The following FRMD4B variants were observed in gnomAD, a reference collection of about 807,000 sequenced individuals.
FRMD4B encodes the protein FERM domain-containing protein 4B.
FRMD4B carries 74 observed loss-of-function variants against 141.5 expected under a neutral mutation model. The ratio of observed to expected loss-of-function variants is 0.52; its 90% CI spans 0.43 to 0.63. FRMD4B has a LOEUF of 0.63. Ranked by LOEUF, FRMD4B falls within the 30% of genes least tolerant of loss-of-function variation. The probability of loss-of-function intolerance (pLI) is 0.00; values close to 1 mark genes in which losing one functional copy is unlikely to be tolerated. For synonymous variants in FRMD4B, 506 were observed against 467.9 expected (o/e 1.08, Z -1.05); for missense variants, 1,366 against 1,253.4 (o/e 1.09, Z -1.36).
chr3:69,464,845 G>A (rs1020131383), intron 1 of FRMD4B, among the ~76,000 whole-genome samples: 1 of 152,102 alleles, frequency 6.6e-6, no homozygotes, highest in East Asian at 1.9e-4. Context: ...TTACAACACG[G>A]CAATGAAATT....
At chr3:69,280,941 T>A (rs2093641947) in intron 5 of FRMD4B, among the ~76,000 whole-genome samples, 1 of 151,786 alleles carries the variant, frequency 6.6e-6, no homozygotes, top group African/African-American at 2.4e-5. Flanking sequence ...TTCTTCTTTT[T>A]TTTTGTGAGA....
rs368091349 is a variant in FRMD4B, at chr3:69,297,112, T to C, written c.416+5231A>G. On this transcript the variant is annotated intron_variant, in intron 4 of 22. Transcript: ENST00000398540. ...CTTTACTACAGTCTGTCTTTATGTG[T>C]CACGTGTATTTGGCTCTCTTTAAAA... Among the ~76,000 whole-genome samples, 153 of 152,332 alleles carry C rather than the reference T, an allele frequency of 1.0e-3. 3 individuals are homozygous for C. The highest frequency in any genetic ancestry group is 3.5e-3 in the African/African-American group (144 of 41,576).
chr3:69,195,934 G>C (rs996464557), intron 14 of FRMD4B, among the ~76,000 whole-genome samples: 2 of 152,162 alleles, frequency 1.3e-5, no homozygotes, highest in African/African-American at 4.8e-5. Context: ...ATATTGCATG[G>C]AGAATTAGAC....
chr3:69,436,938 C>T (rs1011851904), intron 1 of FRMD4B, among the ~76,000 whole-genome samples: 22 of 152,048 alleles, frequency 1.4e-4, no homozygotes, highest in Non-Finnish European at 2.8e-4. Context: ...GTTGAATACA[C>T]AGAGACAGAA....
intron 11 of FRMD4B, among the ~76,000 whole-genome samples, chr3:69,212,115 T>G (rs1443717310): frequency 6.6e-6 from 1 of 150,584 alleles, no homozygotes; most frequent in African/African-American, 2.4e-5. Flanking sequence ...TCCCAGCACT[T>G]TGGGAGGCCC....
chr3:69,360,140 A>G (rs575105613), intron 1 of FRMD4B, among the ~76,000 whole-genome samples: 2 of 152,322 alleles, frequency 1.3e-5, no homozygotes, highest in African/African-American at 4.8e-5. Flanking sequence ...CCAAAACAAA[A>G]AAGTTTTTGT....
chr3:69,483,216 C>T (rs1234362394), intron 1 of FRMD4B, among the ~76,000 whole-genome samples: 3 of 152,186 alleles, frequency 2.0e-5, no homozygotes, highest in Non-Finnish European at 4.4e-5. Flanking sequence ...AAGGAAGACT[C>T]CATGTTCCCA....
intron 2 of FRMD4B, among the ~76,000 whole-genome samples, chr3:69,428,237 G>T (rs541896065): frequency 5.3e-5 from 8 of 151,632 alleles, no homozygotes; most frequent in African/African-American, 1.9e-4. Context: ...ATGACAACCA[G>T]TTCTGCATCT....
intron 1 of FRMD4B, among the ~76,000 whole-genome samples, chr3:69,329,071 A>G (rs28566628): frequency 0.077 from 11,686 of 152,142 alleles, 1,522 homozygotes; most frequent in African/African-American, 0.27. Context: ...ACCACTTTCC[A>G]GTAACAGCTG....
At chr3:69,501,869 T>C (rs1038463270) in intron 1 of FRMD4B, among the ~76,000 whole-genome samples, 10 of 152,028 alleles carry the variant, frequency 6.6e-5, no homozygotes, top group Non-Finnish European at 2.9e-5. Context: ...AAATCACAAG[T>C]ATTCTTATAC....
chr3:69,229,917 GA>G (rs1264630448), intron 7 of FRMD4B, among the ~76,000 whole-genome samples: 1 of 151,914 alleles, frequency 6.6e-6, no homozygotes, highest in Non-Finnish European at 1.5e-5. Context: ...TGTTGGCCAG[GA>G]AGGTCTCTAT....
rs566359066 is a variant in FRMD4B, at chr3:69,345,198, C to A, written c.163-31681G>T. ...CACACCAGGAGATTATATCCTGCACCTGACTCGGAGGGTCCCATGCCCACG... is the reference window on the plus strand; with the variant it reads ...CACACCAGGAGATTATATCCTGCACATGACTCGGAGGGTCCCATGCCCACG... On this transcript the variant is annotated intron_variant, in intron 1 of 22. Coordinates refer to ENST00000398540, the MANE Select transcript of FRMD4B (RefSeq NM_015123.3). Among the ~76,000 whole-genome samples the A allele has an allele frequency of 8.0e-4, 122 of 152,346 alleles. 1 individual carries two copies. The highest frequency in any genetic ancestry group is 3.4e-3 in the Middle Eastern group (1 of 294).
At chr3:69,328,774 A>T (rs1702265507) in intron 1 of FRMD4B, among the ~76,000 whole-genome samples, 1 of 152,202 alleles carries the variant, frequency 6.6e-6, no homozygotes, top group Admixed American at 6.5e-5. Flanking sequence ...CCATGGCAAC[A>T]TCCAGAAGTT....
intron 1 of FRMD4B, among the ~76,000 whole-genome samples, chr3:69,518,405 C>T (rs929169161): frequency 6.6e-6 from 1 of 152,084 alleles, no homozygotes; most frequent in African/African-American, 2.4e-5. Context: ...GGCTAAGATG[C>T]TAAGCTTGTC....
chr3:69,404,897 G>A (rs185340429), intron 2 of FRMD4B, among the ~76,000 whole-genome samples: 1 of 152,286 alleles, frequency 6.6e-6, no homozygotes, highest in African/African-American at 2.4e-5. Context: ...CCTCACAACT[G>A]TGTCCTCAGG....
At chr3:69,420,613 G>T (rs1303741423) in intron 2 of FRMD4B, among the ~76,000 whole-genome samples, 1 of 152,142 alleles carries the variant, frequency 6.6e-6, no homozygotes, top group African/African-American at 2.4e-5. Context: ...GATCTGCTGG[G>T]GTTGGTAAAC....
intron 1 of FRMD4B, among the ~76,000 whole-genome samples, chr3:69,441,898 C>T (rs1705349065): frequency 6.6e-6 from 1 of 152,124 alleles, no homozygotes; most frequent in Non-Finnish European, 1.5e-5. Flanking sequence ...ATTCCAAACA[C>T]ATTTATGTTC....
intron 2 of FRMD4B, among the ~76,000 whole-genome samples, chr3:69,394,002 T>C (rs1054619487): frequency 5.3e-5 from 8 of 152,242 alleles, no homozygotes; most frequent in African/African-American, 1.7e-4. Flanking sequence ...TTTGTTTTTA[T>C]AATTTGGTTT....
At chr3:69,386,333 C>T, upstream of FRMD4B, 2 of 215,802 alleles carry the variant, frequency 9.3e-6, no homozygotes, top group Non-Finnish European at 1.8e-5. Flanking sequence ...CTGGCGCTTC[C>T]CCAGGGCGCG....
Sources: gnomAD v4.1 joint callset for allele counts (sites outside exome capture counted in the v4.1 genomes callset) on GRCh38, gnomAD v4.1.1 for gene constraint, MANE v1.5 for transcripts, NCBI Gene and HGNC (gene_info 2026-07-23, HGNC 2026-07-21) for gene names.